The following IGBP1C variants were observed in gnomAD, a reference collection of about 807,000 sequenced individuals.
The protein encoded by IGBP1C is immunoglobulin-binding protein 1 family member C.
At chr17:58,685,404 C>G in the IGBP1C span, among the ~76,000 whole-genome samples, 1 of 150,668 alleles carries the variant, frequency 6.6e-6, no homozygotes, top group Non-Finnish European at 1.5e-5. Flanking sequence ...CCACCGCACT[C>G]CAGCCTGGGC....
the IGBP1C span, among the ~76,000 whole-genome samples, chr17:58,663,629 G>C: frequency 6.6e-6 from 1 of 151,880 alleles, no homozygotes; most frequent in Admixed American, 6.6e-5. Context: ...ACCACGCCTG[G>C]CTAATTTTTT....
chr17:58,676,394 CA>C, the IGBP1C span, among the ~76,000 whole-genome samples: 9 of 144,864 alleles, frequency 6.2e-5, no homozygotes, highest in Non-Finnish European at 1.4e-4. Context: ...ACCAAAAAAA[CA>C]AAAAAAAACA....
At chr17:58,674,915 G>A in the IGBP1C span, among the ~76,000 whole-genome samples, 2 of 151,514 alleles carry the variant, frequency 1.3e-5, no homozygotes, top group African/African-American at 4.8e-5. Flanking sequence ...GAGGCTGAGG[G>A]GGGGTGCATC....
chr17:58,668,704 A>C, the IGBP1C span, among the ~76,000 whole-genome samples: 1 of 152,098 alleles, frequency 6.6e-6, no homozygotes, highest in Non-Finnish European at 1.5e-5. Context: ...TTTTATTTTT[A>C]TGCACACACA....
At chr17:58,679,372 C>T in the IGBP1C span, among the ~76,000 whole-genome samples, 8 of 152,078 alleles carry the variant, frequency 5.3e-5, no homozygotes, top group Non-Finnish European at 1.0e-4. Flanking sequence ...CAACACCAAC[C>T]ACGAGGGGTG....
At chr17:58,685,945 A>C in the IGBP1C span, among the ~76,000 whole-genome samples, 17 of 146,608 alleles carry the variant, frequency 1.2e-4, no homozygotes, top group Non-Finnish European at 4.5e-5. Flanking sequence ...CAGTGAGCCG[A>C]GATCACACCA....
the IGBP1C span, among the ~76,000 whole-genome samples, chr17:58,663,031 C>T: frequency 6.6e-6 from 1 of 151,764 alleles, no homozygotes; most frequent in Non-Finnish European, 1.5e-5. Context: ...ACGGTGTGAA[C>T]CCGGGAGGCA....
chr17:58,678,222 G>A, the IGBP1C span, among the ~76,000 whole-genome samples: 1 of 152,196 alleles, frequency 6.6e-6, no homozygotes, highest in Non-Finnish European at 1.5e-5. Context: ...TGGGCCTAAT[G>A]TAATCACAGG....
At chr17:58,672,651 G>A in the IGBP1C span, among the ~76,000 whole-genome samples, 5 of 152,084 alleles carry the variant, frequency 3.3e-5, no homozygotes, top group Admixed American at 6.6e-5. Context: ...CACCATGTTG[G>A]CCAGGCTGGC....
the IGBP1C span, among the ~76,000 whole-genome samples, chr17:58,664,188 C>T: frequency 6.6e-6 from 1 of 152,188 alleles, no homozygotes; most frequent in African/African-American, 2.4e-5. Flanking sequence ...ATTGAACTAC[C>T]TTCCTAATTT....
At chr17:58,685,116 G>A in the IGBP1C span, among the ~76,000 whole-genome samples, 2 of 152,230 alleles carry the variant, frequency 1.3e-5, no homozygotes, top group East Asian at 3.9e-4. Flanking sequence ...TTCTAAACAT[G>A]TTACCAAAGT....
the IGBP1C span, chr17:58,660,514 G>A: frequency 8.3e-6 from 6 of 719,840 alleles, no homozygotes; most frequent in Non-Finnish European, 1.5e-5. Flanking sequence ...GGAGGGGAAG[G>A]CTGCATGGTT....
chr17:58,666,411 C>T, the IGBP1C span: 3 of 138,544 alleles, frequency 2.2e-5, no homozygotes, highest in African/African-American at 8.1e-5. Flanking sequence ...ATTCGGATGC[C>T]ACTGCACTCC....
the IGBP1C span, among the ~76,000 whole-genome samples, chr17:58,688,173 T>G: frequency 6.6e-6 from 1 of 152,116 alleles, no homozygotes; most frequent in African/African-American, 2.4e-5. Context: ...CAGGCTGGAG[T>G]ACAGTGTCAT....
At chr17:58,674,911 G>GA in the IGBP1C span, among the ~76,000 whole-genome samples, 15 of 151,058 alleles carry the variant, frequency 9.9e-5, no homozygotes, top group African/African-American at 3.7e-4. Flanking sequence ...GTGGGAGGCT[G>GA]AGGGGGGGTG....
the IGBP1C span, among the ~76,000 whole-genome samples, chr17:58,673,856 C>T: frequency 6.6e-6 from 1 of 152,210 alleles, no homozygotes; most frequent in African/African-American, 2.4e-5. Context: ...ACGTGAGCCA[C>T]CCCACGTGGC....
chr17:58,671,601 A>C, the IGBP1C span, among the ~76,000 whole-genome samples: 1 of 152,138 alleles, frequency 6.6e-6, no homozygotes, highest in South Asian at 2.1e-4. Flanking sequence ...ATTAAAAGCC[A>C]GCCCCAGAGC....
chr17:58,680,368 T>C, the IGBP1C span, among the ~76,000 whole-genome samples: 4 of 152,210 alleles, frequency 2.6e-5, no homozygotes, highest in African/African-American at 9.6e-5. Flanking sequence ...CATGCTTACA[T>C]ACAAAATGCT....
At chr17:58,675,528 T>A in the IGBP1C span, 1 of 152,212 alleles carries the variant, frequency 6.6e-6, no homozygotes, top group Admixed American at 6.6e-5. Flanking sequence ...TATGTTCACA[T>A]AAAAAAGTCT....
Sources: allele counts gnomAD v4.1 joint callset (sites outside exome capture counted in the v4.1 genomes callset), GRCh38; gene constraint gnomAD v4.1.1; transcripts MANE v1.5; gene names NCBI Gene and HGNC (gene_info 2026-07-23, HGNC 2026-07-21).